Variants in DNAH2 observed in about 807,000 individuals in gnomAD.
The protein encoded by DNAH2 is axonemal beta dynein heavy chain 2.
A neutral mutation model predicts 523.5 loss-of-function variants in DNAH2; 323 were observed. That is an observed-to-expected ratio of 0.62 (90% CI 0.56 to 0.68). The LOEUF (loss-of-function observed/expected upper bound fraction) is 0.68. Ranked by LOEUF, DNAH2 falls within the 30% of genes least tolerant of loss-of-function variation. DNAH2 has a pLI of 0.00. For synonymous variants in DNAH2, 2,093 were observed against 2,177.4 expected (o/e 0.96, Z 1.08); for missense variants, 4,907 against 5,701.5 (o/e 0.86, Z 4.49).
At chr17:7,802,968 CA>C (rs2077264850) in intron 58 of DNAH2, among the ~76,000 whole-genome samples, 1 of 152,118 alleles carries the variant, frequency 6.6e-6, no homozygotes, top group Non-Finnish European at 1.5e-5. Flanking sequence ...CCACCGTGCC[CA>C]GACTTTTTTC....
chr17:7,763,000 G>T (rs1294768116), intron 18 of DNAH2, among the ~76,000 whole-genome samples: 1 of 151,032 alleles, frequency 6.6e-6, no homozygotes, highest in Non-Finnish European at 1.5e-5. Context: ...TATTGAGACA[G>T]AGTCTCACCC....
Position 7,821,433 on chromosome 17 carries a change from G to A in DNAH2, c.11142+64G>A. 1 of 1,551,994 alleles carries A rather than the reference G, an allele frequency of 6.4e-7. No individual in the cohort carries two copies. The highest frequency in any genetic ancestry group is 1.9e-5 in the Admixed American group (1 of 52,786). On this transcript the variant is annotated intron_variant, in intron 73 of 85. Coordinates refer to ENST00000572933, the MANE Select transcript of DNAH2 (RefSeq NM_020877.5). The surrounding 1 kb of genome is among the most constrained non-coding windows in gnomAD (Gnocchi z 5.0). Reference sequence around the variant, plus strand: ...CAAGGTTGGGGATGAGGGCAAGTGTGACAAGGACTCCAGACCCAGAGGGTC... The same window carrying A: ...CAAGGTTGGGGATGAGGGCAAGTGTAACAAGGACTCCAGACCCAGAGGGTC...
chr17:7,719,661 C>T, intron 1 of DNAH2, 60 bp from the exon 2 acceptor site: 1 of 1,594,944 alleles, frequency 6.3e-7, no homozygotes, highest in Non-Finnish European at 8.6e-7. Context: ...CTGCTTGTAT[C>T]AGGGGGCTGG....
chr17:7,778,637 C>T (rs1406115844), intron 35 of DNAH2, among the ~76,000 whole-genome samples, 168 bp downstream of exon 35: 1 of 152,164 alleles, frequency 6.6e-6, no homozygotes, highest in Non-Finnish European at 1.5e-5. Flanking sequence ...GGCATGATCT[C>T]GGTTCACTGC....
chr17:7,824,781 C>T, intron 77 of DNAH2, 54 bp downstream of exon 77: 1 of 1,352,296 alleles, frequency 7.4e-7, no homozygotes, highest in Non-Finnish European at 9.8e-7. Flanking sequence ...CACCTTACCT[C>T]CTGCTAGCAC....
chr17:7,817,406 G>T lies in DNAH2; in HGVS notation c.10011G>T (p.Trp3337Cys), dbSNP rs766737803. The change falls in exon 65 of 86, where the codon TGG becomes TGT. Residue 3337 changes from tryptophan to cysteine, a missense_variant. Transcript: ENST00000572933. ...NYRDEIVNQI[W>C]IGKIWELQVP... ...GGGATGAGATTGTCAACCAAATCTG[G>T]ATCGGGAAGGTGAGATGGGACTCAG... 5.6e-6 allele frequency: 9 copies of T among 1,613,936 alleles called. No homozygotes were observed. The African/African-American group carries it at 1.2e-4, about 22-fold the overall frequency.
At chr17:7,742,422 C>G (rs2075380122) in intron 11 of DNAH2, among the ~76,000 whole-genome samples, 1 of 152,154 alleles carries the variant, frequency 6.6e-6, no homozygotes, top group Non-Finnish European at 1.5e-5. Context: ...TGGAGAGAGA[C>G]TCTGTCACAA....
chr17:7,742,418 G>A (rs1426341015), intron 11 of DNAH2, among the ~76,000 whole-genome samples: 1 of 152,166 alleles, frequency 6.6e-6, no homozygotes, highest in Non-Finnish European at 1.5e-5. Context: ...GTGGTGGAGA[G>A]AGACTCTGTC....
At chr17:7,761,548 C>T (rs1055577453) in intron 18 of DNAH2, among the ~76,000 whole-genome samples, 4 of 150,726 alleles carry the variant, frequency 2.7e-5, no homozygotes, top group South Asian at 2.1e-4. Context: ...CTGTCATCCA[C>T]GCTGGAGTGC....
intron 19 of DNAH2, 22 bp from the exon 20 acceptor site, chr17:7,764,095 C>T: frequency 5.6e-6 from 9 of 1,614,232 alleles, no homozygotes; most frequent in Non-Finnish European, 7.6e-6. Context: ...CACTCACTAG[C>T]ACTCCCTTTG....
chr17:7,727,518 C>T (rs2151126374), intron 4 of DNAH2, among the ~76,000 whole-genome samples: 1 of 152,194 alleles, frequency 6.6e-6, no homozygotes, highest in Admixed American at 6.5e-5. Context: ...CTTTGGGAGG[C>T]CGAGGCGGGT....
intron 65 of DNAH2, 57 bp from the exon 66 acceptor site, chr17:7,817,504 G>C: frequency 6.2e-7 from 1 of 1,613,614 alleles, no homozygotes; most frequent in Non-Finnish European, 8.5e-7. Context: ...CCGTGAAGGC[G>C]CGGGGGCTGC....
chr17:7,830,349 A>G lies in DNAH2; in HGVS notation c.11903A>G (p.Gln3968Arg), dbSNP rs1378745259. ...CTTTACCAACTGATGTCAGAACCAC[A>G]GTTTTCCCGCTGCTCCAAACCTGCC... ...TRLYQLMSEP[Q>R]FSRCSKPAKY... Residue 3968 changes from glutamine (Q) to arginine (R), a missense_variant, in exon 78 of 86, where the codon CAG (glutamine) becomes CGG (arginine). Gln to Arg is a conservative substitution (Grantham distance 43). This residue lies in a region of DNAH2 where 1,851 missense variants were observed against 2,139.4 expected (regional missense o/e 0.87). Coordinates refer to ENST00000572933, the MANE Select transcript of DNAH2 (RefSeq NM_020877.5). 2 of 1,614,212 alleles carry G rather than the reference A, an allele frequency of 1.2e-6. No individual in the cohort carries two copies. The highest frequency in any genetic ancestry group is 1.1e-5 in the South Asian group (1 of 91,088).
At chr17:7,833,013 C>T in intron 84 of DNAH2, 58 bp from the exon 85 acceptor site, 1 of 1,613,132 alleles carries the variant, frequency 6.2e-7, no homozygotes, top group Non-Finnish European at 8.5e-7. Context: ...GGGAGCAGGT[C>T]AGGGGCGCTG....
rs1393810024 is a variant in DNAH2 at position 7,732,290 on chromosome 17, C to T, written c.400-797C>T. Among the ~76,000 whole-genome samples the T allele has an allele frequency of 3.3e-5, 5 of 151,394 alleles. No individual in the cohort carries two copies. The East Asian group carries it at 7.8e-4, about 23-fold the overall frequency. On this transcript the variant is annotated intron_variant, in intron 4 of 85. Transcript: ENST00000572933. Reference sequence around the variant, plus strand: ...TCTCTACTAAAAATATATAAATTAGCCAGGTGTGGTGGTACGGGCCTGTAA... The same window carrying T: ...TCTCTACTAAAAATATATAAATTAGTCAGGTGTGGTGGTACGGGCCTGTAA...
chr17:7,760,753 C>T lies in DNAH2; in HGVS notation c.2799C>T (p.Asp933=). The change falls in exon 18 of 86, where the codon GAC becomes GAT. Residue 933 remains aspartate (D), a synonymous_variant. Coordinates refer to ENST00000572933, the MANE Select transcript of DNAH2 (RefSeq NM_020877.5). This position sits in a 1 kb window ranked among gnomAD's most constrained non-coding sequence, Gnocchi z 4.0. The part of the protein sequence containing the change: ...PIQTVVEQDE[D]IKKIQTQISS... ...GGTCCTTTGAAGAGCAAGATGAGGA[C>T]ATCAAGAAGATCCAGACCCAAATCA... The T allele has an allele frequency of 6.2e-7, 1 of 1,613,642 alleles. No homozygotes were observed. Among genetic ancestry groups the T allele is most frequent in the Non-Finnish European group, 8.5e-7 (1 of 1,179,768 alleles).
intron 12 of DNAH2, among the ~76,000 whole-genome samples, chr17:7,746,001 T>A (rs549615359): frequency 1.3e-5 from 2 of 152,164 alleles, no homozygotes; most frequent in South Asian, 2.1e-4. Flanking sequence ...AGTTTCCTCA[T>A]CTACTTAAAA....
At chr17:7,763,802 A>G (rs367700342) in intron 18 of DNAH2, 29 bp from the exon 19 acceptor site, 93 of 1,612,912 alleles carry the variant, frequency 5.8e-5, no homozygotes, top group Non-Finnish European at 1.1e-5. Flanking sequence ...AGAAAACAAC[A>G]TCCTAGCTGG....
At chr17:7,749,074 C>CGAGGTGGG (rs1482545982) in intron 12 of DNAH2, among the ~76,000 whole-genome samples, 1 of 150,796 alleles carries the variant, frequency 6.6e-6, no homozygotes, top group Non-Finnish European at 1.5e-5. Context: ...TTTGGGAGGC[C>CGAGGTGGG]GAGGTGGGTG....
Sources: allele counts gnomAD v4.1 joint callset (sites outside exome capture counted in the v4.1 genomes callset), GRCh38; gene constraint gnomAD v4.1.1; regional missense constraint gnomAD v4.1.1; non-coding constraint Gnocchi (gnomAD v3.1); transcripts MANE v1.5; gene names NCBI Gene and HGNC (gene_info 2026-07-23, HGNC 2026-07-21).